Variants in ZNF226 observed in about 807,000 individuals in gnomAD.
ZNF226 encodes the protein zinc finger protein 226, also known as Kruppel-associated box protein.
ZNF226 carries 6 observed loss-of-function variants against 11.4 expected under a neutral mutation model. The ratio of observed to expected loss-of-function variants is 0.53; its 90% CI spans 0.29 to 1.04. The LOEUF (loss-of-function observed/expected upper bound fraction) is 1.04. ZNF226 is among the 50% of genes least tolerant of loss of function. The pLI is 0.08. For synonymous variants in ZNF226, 350 were observed against 322.8 expected (o/e 1.08, Z -0.90); for missense variants, 1,058 against 956.5 (o/e 1.11, Z -1.40).
chr19:44,180,628 A>C (rs1970893089), downstream of ZNF226, among the ~76,000 whole-genome samples: 1 of 152,132 alleles, frequency 6.6e-6, no homozygotes. Context: ...CCTGTGTTTT[A>C]GTGTATTATC....
chr19:44,173,181 A>T (rs148213413), intron 5 of ZNF226: 282 of 559,330 alleles, frequency 5.0e-4, no homozygotes, highest in Non-Finnish European at 7.3e-4. Flanking sequence ...TCTTCTGCTC[A>T]AAATTCTCTG....
chr19:44,181,493 T>A (rs141816587), downstream of ZNF226, among the ~76,000 whole-genome samples: 590 of 152,304 alleles, frequency 3.9e-3, 3 homozygotes, highest in African/African-American at 0.013. Context: ...TATTAACATT[T>A]GGGAGAATTT....
In ZNF226 at chr19:44,176,882, CA is replaced by C; in HGVS notation, c.1621del (p.Ser541ValfsTer15). The C allele has an allele frequency of 1.9e-6, 3 of 1,614,038 alleles. No homozygotes were observed. In the East Asian group the frequency reaches 6.7e-5, roughly 36 times the overall value. On this transcript the variant is annotated frameshift_variant, in exon 6 of 6. Coordinates refer to ENST00000337433, the MANE Select transcript of ZNF226 (RefSeq NM_001032373.2). LOFTEE classifies it low-confidence loss of function (END_TRUNC). ...YKCEICGKGF[S>X]QSSYLQIHQK... ...AATGTGAGATATGTGGGAAGGGCTT[CA>C]GTCAAAGTTCGTATCTTCAAATCCA... is the stretch of plus-strand genomic sequence containing the variant.
rs528902831 is a variant in ZNF226 at position 44,172,749 on chromosome 19, G to A, written c.143-111G>A. ...TACTGAAGTCACAATTTAAATAAAA[G>A]TTTGAAAAACACTGCTTTCAGTGTC... On this transcript the variant is annotated intron_variant, in intron 4 of 5. Transcript: ENST00000337433. 1.3e-4 allele frequency: 111 copies of A among 831,090 alleles called. 1 individual carries two copies. In the South Asian group the frequency reaches 2.1e-3, roughly 15 times the overall value. The allele number at this position is 831,090 out of a possible 1,614,324, so 51.5% of individuals were successfully genotyped here.
At chr19:44,180,107 A>C (rs888233496), downstream of ZNF226, among the ~76,000 whole-genome samples, 26 of 145,172 alleles carry the variant, frequency 1.8e-4, no homozygotes, top group Admixed American at 4.2e-4. Context: ...AAAAAAAAAA[A>C]AAAACCCAAG....
downstream of ZNF226, among the ~76,000 whole-genome samples, chr19:44,179,973 G>C (rs1335666012): frequency 6.6e-6 from 1 of 150,854 alleles, no homozygotes; most frequent in Non-Finnish European, 1.5e-5. Context: ...TGTAATTCCA[G>C]CTACTCAGGA....
At position 44,177,317 on chromosome 19, in the gene ZNF226, C is replaced by T. The variant is rs1431326053; in HGVS notation, c.2055C>T (p.Asn685=). 2.5e-6 allele frequency: 4 copies of T among 1,613,658 alleles called. No individual in the cohort carries two copies. In the Admixed American group the frequency reaches 6.7e-5, roughly 27 times the overall value. ...ECGKGFKWSL[N]LDMHQRVHTG... ...GGAAGGGCTTCAAGTGGAGCTTGAA[C>T]CTTGACATGCATCAGAGGGTGCACA... The change falls in exon 6 of 6, where the codon AAC becomes AAT. Residue 685 remains asparagine (N), a synonymous_variant. Transcript: ENST00000337433.
the ZNF226 span, among the ~76,000 whole-genome samples, chr19:44,183,726 A>G: frequency 5.1e-4 from 78 of 152,358 alleles, no homozygotes; most frequent in African/African-American, 1.7e-3. Flanking sequence ...TTAATTAGAA[A>G]TTGACTTCAT....
chr19:44,184,895 A>C, the ZNF226 span, among the ~76,000 whole-genome samples: 1 of 152,220 alleles, frequency 6.6e-6, no homozygotes, highest in African/African-American at 2.4e-5. Context: ...CACAGCACTG[A>C]AAATCTATAC....
At position 44,176,270 on chromosome 19, in the gene ZNF226, A is replaced by G; in HGVS notation, c.1008A>G (p.Lys336=). The G allele has an allele frequency of 1.2e-6, 2 of 1,614,172 alleles. No homozygotes were observed. Among genetic ancestry groups the G allele is most frequent in the Non-Finnish European group, 1.7e-6 (2 of 1,180,024 alleles). ...TCCACGTGATAGAGAAACCATACAA[A>G]TGTAAGCAATGTGGGAAAGGTTTCA... is the stretch of plus-strand genomic sequence containing the variant. ...QKVHVIEKPY[K]CKQCGKGFSR... The change falls in exon 6 of 6, where the codon AAA becomes AAG. Residue 336 remains lysine (K), a synonymous_variant. Coordinates refer to ENST00000337433, the MANE Select transcript of ZNF226 (RefSeq NM_001032373.2).
At chr19:44,179,041 G>C (rs151129373), downstream of ZNF226, among the ~76,000 whole-genome samples, 1 of 152,138 alleles carries the variant, frequency 6.6e-6, no homozygotes, top group Non-Finnish European at 1.5e-5. Flanking sequence ...GTAGCTGGGC[G>C]TGGTGGTGCG....
chr19:44,186,109 A>T, the ZNF226 span, among the ~76,000 whole-genome samples: 1 of 151,976 alleles, frequency 6.6e-6, no homozygotes, highest in South Asian at 2.1e-4. Flanking sequence ...TATATTGGTT[A>T]TATGTCTATA....
intron 2 of ZNF226, among the ~76,000 whole-genome samples, chr19:44,168,207 T>C (rs919070686): frequency 6.6e-6 from 1 of 152,106 alleles, no homozygotes; most frequent in African/African-American, 2.4e-5. Context: ...AACACCAGGT[T>C]CTGGTTGTTG....
At chr19:44,181,963 A>T (rs1970912291), downstream of ZNF226, among the ~76,000 whole-genome samples, 1 of 152,208 alleles carries the variant, frequency 6.6e-6, no homozygotes, top group African/African-American at 2.4e-5. Context: ...TGTAATTTAT[A>T]TCAATAGAAA....
chr19:44,183,077 A>C (rs1970931707), downstream of ZNF226, among the ~76,000 whole-genome samples: 1 of 152,200 alleles, frequency 6.6e-6, no homozygotes, highest in Non-Finnish European at 1.5e-5. Context: ...ACTACCATAA[A>C]TCATCCTGCA....
the ZNF226 span, among the ~76,000 whole-genome samples, chr19:44,193,790 TAGAG>T: frequency 6.6e-6 from 1 of 152,214 alleles, no homozygotes; most frequent in Non-Finnish European, 1.5e-5. Flanking sequence ...GAAACAAGCT[TAGAG>T]AGTTTAAATA....
At chr19:44,183,641 A>G in the ZNF226 span, among the ~76,000 whole-genome samples, 2 of 152,210 alleles carry the variant, frequency 1.3e-5, no homozygotes, top group African/African-American at 2.4e-5. Context: ...TCATGTTCAT[A>G]TGCTGATTGA....
chr19:44,177,089 C>T lies in ZNF226; in HGVS notation c.1827C>T (p.His609=), dbSNP rs1156649174. ...RADLKIHCRI[H]TGEKPYNCEE... ...ATCTTAAAATTCACTGTAGGATCCACACAGGAGAGAAACCATATAATTGTG... is the reference window on the plus strand; with the variant it reads ...ATCTTAAAATTCACTGTAGGATCCATACAGGAGAGAAACCATATAATTGTG... Residue 609 remains histidine, a synonymous_variant, in exon 6 of 6, where the codon CAC becomes CAT. Transcript: ENST00000337433. The T allele has an allele frequency of 6.2e-7, 1 of 1,614,044 alleles. No homozygotes were observed. Among genetic ancestry groups the T allele is most frequent in the South Asian group, 1.1e-5 (1 of 91,072 alleles).
chr19:44,192,057 T>C, the ZNF226 span, among the ~76,000 whole-genome samples: 1 of 152,034 alleles, frequency 6.6e-6, no homozygotes, highest in Non-Finnish European at 1.5e-5. Context: ...ATAGAAAAGA[T>C]AAACAAGAAA....
Sources: gnomAD v4.1 joint callset for allele counts (sites outside exome capture counted in the v4.1 genomes callset) on GRCh38, gnomAD v4.1.1 for gene constraint, MANE v1.5 for transcripts, NCBI Gene and HGNC (gene_info 2026-07-23, HGNC 2026-07-21) for gene names.